The following GPR137C variants were observed in gnomAD, a reference collection of about 807,000 sequenced individuals.
The protein encoded by GPR137C is integral membrane protein GPR137C.
In GPR137C, 27 loss-of-function variants were observed where a neutral mutation model predicts 43.4. That is an observed-to-expected ratio of 0.62 (90% confidence interval 0.46 to 0.86). The LOEUF (loss-of-function observed/expected upper bound fraction) is 0.86. GPR137C is among the 40% of genes least tolerant of loss of function. The probability of loss-of-function intolerance (pLI) is 0.00; values close to 1 mark genes in which losing one functional copy is unlikely to be tolerated. For missense variants in GPR137C, 522 were observed against 534.6 expected (o/e 0.98, Z 0.23); for synonymous variants, 285 against 226.9 (o/e 1.26, Z -2.30).
At chr14:52,612,349 T>A (rs961959102) in intron 3 of GPR137C, 1 of 909,422 alleles carries the variant, frequency 1.1e-6, no homozygotes, top group East Asian at 1.2e-4. Context: ...CATTTCATCA[T>A]ATACCAAAAT....
intron 3 of GPR137C, among the ~76,000 whole-genome samples, chr14:52,608,012 A>T (rs2039000492): frequency 6.6e-6 from 1 of 152,140 alleles, no homozygotes; most frequent in African/African-American, 2.4e-5. Context: ...TTACAGGTGA[A>T]GTGATTTTCC....
chr14:52,620,233 G>A (rs2039144774), intron 3 of GPR137C, among the ~76,000 whole-genome samples: 1 of 152,014 alleles, frequency 6.6e-6, no homozygotes, highest in Non-Finnish European at 1.5e-5. Flanking sequence ...TGTAAAGTGA[G>A]TAGGAAATCT....
intron 3 of GPR137C, among the ~76,000 whole-genome samples, chr14:52,604,801 A>G (rs975847108): frequency 6.6e-6 from 1 of 152,068 alleles, no homozygotes; most frequent in Non-Finnish European, 1.5e-5. Flanking sequence ...TCCCAGCACC[A>G]TTTATTGAGA....
chr14:52,583,679 A>G (rs1053953879), intron 1 of GPR137C, among the ~76,000 whole-genome samples: 5 of 152,196 alleles, frequency 3.3e-5, no homozygotes, highest in African/African-American at 1.2e-4. Flanking sequence ...ATATTATACC[A>G]TCATCATCTC....
intron 1 of GPR137C, among the ~76,000 whole-genome samples, chr14:52,563,918 C>T (rs1420040499): frequency 6.6e-6 from 1 of 152,122 alleles, no homozygotes; most frequent in Non-Finnish European, 1.5e-5. Context: ...TCTGTATACC[C>T]TGGCCCCCAC....
intron 1 of GPR137C, among the ~76,000 whole-genome samples, chr14:52,582,398 TTAA>T (rs1566610410): frequency 6.6e-6 from 1 of 152,238 alleles, no homozygotes; most frequent in Non-Finnish European, 1.5e-5. Context: ...GATACTTGTA[TTAA>T]TATTACATTA....
At chr14:52,594,041 A>G (rs1307037039) in intron 1 of GPR137C, among the ~76,000 whole-genome samples, 1 of 152,108 alleles carries the variant, frequency 6.6e-6, no homozygotes, top group African/African-American at 2.4e-5. Context: ...CTTTGTTCTC[A>G]TTGGTTTCAA....
At chr14:52,566,700 C>T (rs1042195796) in intron 1 of GPR137C, among the ~76,000 whole-genome samples, 5 of 152,186 alleles carry the variant, frequency 3.3e-5, no homozygotes, top group Non-Finnish European at 7.3e-5. Flanking sequence ...ATTATACATA[C>T]GTTTTTAGAC....
At chr14:52,624,735 A>C (rs889372141) in intron 3 of GPR137C, among the ~76,000 whole-genome samples, 2 of 151,706 alleles carry the variant, frequency 1.3e-5, no homozygotes, top group African/African-American at 4.9e-5. Context: ...AAAAAAAAAA[A>C]AACTGAAATA....
chr14:52,558,298 A>G (rs538629812), intron 1 of GPR137C, among the ~76,000 whole-genome samples: 6 of 152,304 alleles, frequency 3.9e-5, no homozygotes, highest in South Asian at 4.1e-4. Flanking sequence ...CCCCTCCAGC[A>G]TAATGCCAGA....
chr14:52,566,798 G>A (rs1272072813), intron 1 of GPR137C, among the ~76,000 whole-genome samples: 1 of 152,220 alleles, frequency 6.6e-6, no homozygotes, highest in Non-Finnish European at 1.5e-5. Flanking sequence ...TAAACTGGAT[G>A]TTATAGGGAT....
At chr14:52,611,920 A>C in intron 3 of GPR137C, 1 of 983,384 alleles carries the variant, frequency 1.0e-6, no homozygotes, top group Non-Finnish European at 1.2e-6. Flanking sequence ...TATCATCTTC[A>C]TCATCATATT....
intron 3 of GPR137C, among the ~76,000 whole-genome samples, chr14:52,616,286 T>TGTTA: frequency 6.6e-6 from 1 of 151,848 alleles, no homozygotes; most frequent in South Asian, 2.1e-4. Flanking sequence ...TTCTCTTTTT[T>TGTTA]GTTTGTTTGT....
At chr14:52,559,135 T>G (rs948852888) in intron 1 of GPR137C, among the ~76,000 whole-genome samples, 1 of 152,138 alleles carries the variant, frequency 6.6e-6, no homozygotes, top group Non-Finnish European at 1.5e-5. Flanking sequence ...CCCAGCACTT[T>G]GGGAGGCCAA....
rs565703670 is a variant in GPR137C, at chr14:52,604,712, T to C, written c.717+4371T>C. On this transcript the variant is annotated intron_variant, in intron 3 of 6. Transcript: ENST00000321662. ...ATCCACCTGCCTTGGCCTCCCAAAGTGCCAGGATTACAGGCATGAGCCATC... is the reference window on the plus strand; with the variant it reads ...ATCCACCTGCCTTGGCCTCCCAAAGCGCCAGGATTACAGGCATGAGCCATC... Among the ~76,000 whole-genome samples the C allele has an allele frequency of 9.2e-5, 14 of 152,316 alleles. No homozygotes were observed. The South Asian group carries it at 1.2e-3, about 14-fold the overall frequency.
At chr14:52,554,212 A>T (rs1409451952) in intron 1 of GPR137C, among the ~76,000 whole-genome samples, 3 of 152,188 alleles carry the variant, frequency 2.0e-5, no homozygotes, top group African/African-American at 4.8e-5. Flanking sequence ...ACCTCCATAA[A>T]GCCCTTAATG....
chr14:52,576,228 CTTTCTG>C (rs1290969022), intron 1 of GPR137C, among the ~76,000 whole-genome samples: 7 of 152,188 alleles, frequency 4.6e-5, no homozygotes, highest in Admixed American at 2.0e-4. Flanking sequence ...CAGTATTTGA[CTTTCTG>C]TTTCTGAGTT....
At chr14:52,603,637 T>C (rs2038951659) in intron 3 of GPR137C, among the ~76,000 whole-genome samples, 4 of 152,054 alleles carry the variant, frequency 2.6e-5, no homozygotes. Context: ...CAGGTTCAAG[T>C]AATTCTCCTG....
In GPR137C at chr14:52,584,544, A is replaced by C. The variant is rs557288073; in HGVS notation, c.445-13728A>C. On this transcript the variant is annotated intron_variant, in intron 1 of 6. Coordinates refer to ENST00000321662, the MANE Select transcript of GPR137C (RefSeq NM_001099652.2). ...CCTTGTAATCATTTTTATTATAGAA[A>C]TGTGTATAAGACTCCTCCTTTTTGG... is the stretch of plus-strand genomic sequence containing the variant. 9.9e-5 allele frequency among the ~76,000 whole-genome samples: 15 copies of C among 152,206 alleles called. No individual in the cohort carries two copies. In the South Asian group the frequency reaches 3.1e-3, roughly 32 times the overall value.
Sources: allele counts gnomAD v4.1 joint callset (sites outside exome capture counted in the v4.1 genomes callset), GRCh38; gene constraint gnomAD v4.1.1; transcripts MANE v1.5; gene names NCBI Gene and HGNC (gene_info 2026-07-23, HGNC 2026-07-21).